Variants in DACH1 observed in about 807,000 individuals in gnomAD.
DACH1 encodes dachshund homolog 1.
In DACH1, 12 loss-of-function variants were observed where a neutral mutation model predicts 54.2. That is an observed-to-expected ratio of 0.22 (90% CI 0.14 to 0.36). The LOEUF is 0.36. Among genes scored for constraint, DACH1 ranks in the 10% least tolerant of loss-of-function variants. DACH1 has a pLI of 1.00. For missense variants in DACH1, 805 were observed against 929.8 expected, an observed-to-expected ratio of 0.87 and a Z score of 1.75; for synonymous variants, 386 against 366.2, an observed-to-expected ratio of 1.05 and a Z score of -0.62.
intron 3 of DACH1, among the ~76,000 whole-genome samples, chr13:71,624,296 G>GTCTT (rs1876476344): frequency 6.6e-6 from 1 of 151,786 alleles, no homozygotes; most frequent in African/African-American, 2.4e-5. Context: ...TGCTTATGTG[G>GTCTT]TCTTCCATTA....
intron 2 of DACH1, among the ~76,000 whole-genome samples, chr13:71,635,641 C>T (rs1230998449): frequency 6.6e-6 from 1 of 152,156 alleles, no homozygotes; most frequent in Non-Finnish European, 1.5e-5. Flanking sequence ...ACATTTGCCA[C>T]ACCCTTTTCC....
chr13:71,516,306 C>T (rs577672045), intron 6 of DACH1, among the ~76,000 whole-genome samples: 2 of 151,900 alleles, frequency 1.3e-5, no homozygotes, highest in Admixed American at 1.3e-4. Context: ...AATAATTCCC[C>T]TATCTTGTCT....
chr13:71,475,921 C>A, intron 8 of DACH1, 72 bp from the exon 9 acceptor site: 1 of 1,154,690 alleles, frequency 8.7e-7, no homozygotes, highest in South Asian at 2.5e-5. Flanking sequence ...TCCAAATGGT[C>A]TATATTTTTT....
At chr13:71,484,859 T>A (rs1878348186) in intron 7 of DACH1, among the ~76,000 whole-genome samples, 1 of 152,008 alleles carries the variant, frequency 6.6e-6, no homozygotes, top group Non-Finnish European at 1.5e-5. Flanking sequence ...GTCAGGAGTT[T>A]GAGACAAGTC....
intron 1 of DACH1, among the ~76,000 whole-genome samples, chr13:71,839,872 T>C (rs988243328): frequency 7.2e-5 from 11 of 152,156 alleles, no homozygotes; most frequent in African/African-American, 2.7e-4. Context: ...CACAGCTCTT[T>C]CAAGTCTTTC....
Position 71,440,422 on chromosome 13 carries a change from T to C in DACH1, c.*233A>G. ...GTTGCAGTAATTAACTGTAAGAACT[T>C]TGATACTTGTACATTTACAAACATT... On this transcript the variant is annotated 3_prime_UTR_variant, in exon 11 of 11. Transcript: ENST00000613252. 1 of 443,840 alleles carries C rather than the reference T, an allele frequency of 2.3e-6. No individual in the cohort carries two copies. Among genetic ancestry groups the C allele is most frequent in the South Asian group, 2.9e-5 (1 of 34,800 alleles). The allele number at this position is 443,840 out of a possible 1,614,324, so 27.5% of individuals were successfully genotyped here. A position where few individuals can be genotyped will look rare whatever the true frequency, so the allele number is the denominator to read the frequency against.
chr13:71,495,329 T>C (rs1273887333), intron 6 of DACH1, among the ~76,000 whole-genome samples: 1 of 152,036 alleles, frequency 6.6e-6, no homozygotes, highest in African/African-American at 2.4e-5. Context: ...TACTAGAGAA[T>C]AAAATAGTTT....
intron 6 of DACH1, among the ~76,000 whole-genome samples, chr13:71,530,637 G>A (rs1394305311): frequency 6.6e-6 from 1 of 151,824 alleles, no homozygotes; most frequent in Non-Finnish European, 1.5e-5. Context: ...ATTTCTCTTG[G>A]TAATTTACAG....
intron 6 of DACH1, among the ~76,000 whole-genome samples, chr13:71,491,307 A>C (rs536090740): frequency 1.1e-4 from 17 of 152,270 alleles, no homozygotes; most frequent in African/African-American, 4.1e-4. Flanking sequence ...CCACTAATAC[A>C]GTTTTCCTTC....
chr13:71,485,420 G>A (rs541459749), intron 7 of DACH1, among the ~76,000 whole-genome samples: 97 of 150,644 alleles, frequency 6.4e-4, no homozygotes, highest in African/African-American at 2.3e-3. Flanking sequence ...AGCTCAAGCA[G>A]TAACAAAAAT....
At chr13:71,645,763 C>T (rs776294996) in intron 2 of DACH1, among the ~76,000 whole-genome samples, 2 of 152,198 alleles carry the variant, frequency 1.3e-5, no homozygotes, top group Non-Finnish European at 2.9e-5. Flanking sequence ...GTAGCAAATA[C>T]TTAGAATCTT....
chr13:71,546,999 G>A (rs750991900), intron 6 of DACH1, among the ~76,000 whole-genome samples: 3 of 151,870 alleles, frequency 2.0e-5, no homozygotes, highest in Non-Finnish European at 4.4e-5. Context: ...AAACCCTTGC[G>A]TGTTATTCAA....
chr13:71,589,228 G>A (rs746227340), intron 3 of DACH1, among the ~76,000 whole-genome samples: 1 of 151,940 alleles, frequency 6.6e-6, no homozygotes, highest in Non-Finnish European at 1.5e-5. Context: ...AAATGGTGCA[G>A]CAAACAGTAA....
intron 1 of DACH1, among the ~76,000 whole-genome samples, chr13:71,714,801 A>G (rs907065433): frequency 1.3e-5 from 2 of 152,096 alleles, no homozygotes; most frequent in Admixed American, 1.3e-4. Flanking sequence ...TTTTTTAAAA[A>G]TGTATTTTAA....
At chr13:71,487,433 T>A (rs1232908998) in intron 7 of DACH1, among the ~76,000 whole-genome samples, 1 of 152,206 alleles carries the variant, frequency 6.6e-6, no homozygotes, top group Non-Finnish European at 1.5e-5. Context: ...CTTTTCTTCC[T>A]TCTGAAATAA....
chr13:71,716,453 T>A (rs913562990), intron 1 of DACH1, among the ~76,000 whole-genome samples: 1 of 152,138 alleles, frequency 6.6e-6, no homozygotes, highest in African/African-American at 2.4e-5. Flanking sequence ...ACTCTGTAGT[T>A]GGAACCTAAT....
chr13:71,668,901 TACA>T (rs1880041949), intron 2 of DACH1, among the ~76,000 whole-genome samples: 1 of 151,830 alleles, frequency 6.6e-6, no homozygotes. Flanking sequence ...CTCCAGCCTG[TACA>T]ACAAGAACAA....
At chr13:71,507,133 G>C in intron 6 of DACH1, among the ~76,000 whole-genome samples, 1 of 151,876 alleles carries the variant, frequency 6.6e-6, no homozygotes, top group East Asian at 1.9e-4. Context: ...TACAAAATGG[G>C]AGAAAATTTT....
intron 2 of DACH1, among the ~76,000 whole-genome samples, chr13:71,673,296 AG>A (rs1252460295): frequency 2.0e-5 from 3 of 152,180 alleles, no homozygotes; most frequent in African/African-American, 7.2e-5. Flanking sequence ...TAACAGACCC[AG>A]GGTATATTGT....
Sources: allele counts gnomAD v4.1 joint callset (sites outside exome capture counted in the v4.1 genomes callset), GRCh38; gene constraint gnomAD v4.1.1; transcripts MANE v1.5; gene names NCBI Gene and HGNC (gene_info 2026-07-23, HGNC 2026-07-21).